TMEM132D: variants seen among roughly 807,000 people sequenced by gnomAD.
TMEM132D encodes the protein transmembrane protein 132D, also known as mature OL transmembrane protein.
A neutral mutation model predicts 62.3 loss-of-function variants in TMEM132D; 21 were observed. That is an observed-to-expected ratio of 0.34 (90% CI 0.24 to 0.49). The LOEUF is 0.49. Ranked by LOEUF, TMEM132D falls within the 20% of genes least tolerant of loss-of-function variation. TMEM132D has a pLI of 0.99. For synonymous variants in TMEM132D, 621 were observed against 575.6 expected (o/e 1.08, Z -1.13); for missense variants, 1,346 against 1,402.8 (o/e 0.96, Z 0.65).
chr12:129,651,701 C>T (rs1227127358), intron 2 of TMEM132D, among the ~76,000 whole-genome samples: 1 of 152,128 alleles, frequency 6.6e-6, no homozygotes, highest in African/African-American at 2.4e-5. Context: ...GAAGCAAGGA[C>T]AGCAGCAACT....
At chr12:129,427,729 G>A (rs1459595154) in intron 3 of TMEM132D, among the ~76,000 whole-genome samples, 3 of 149,930 alleles carry the variant, frequency 2.0e-5, no homozygotes, top group Admixed American at 2.0e-4. Context: ...TCTAGAGGAG[G>A]AAAATTAAAA....
Position 129,896,354 on chromosome 12 carries a change from G to A in TMEM132D, c.79+6907C>T, listed in dbSNP as rs545201263. Reference sequence around the variant, plus strand: ...GTGGCTGCCAGGTGTTCATCTGCACGAGAAAGGAGAGGCCAGGGCAGCAGG... The same window carrying A: ...GTGGCTGCCAGGTGTTCATCTGCACAAGAAAGGAGAGGCCAGGGCAGCAGG... On this transcript the variant is annotated intron_variant, in intron 1 of 8. Transcript: ENST00000422113. Among the ~76,000 whole-genome samples the A allele has an allele frequency of 1.2e-3, 182 of 152,256 alleles. 3 individuals carry two copies. The South Asian group carries it at 0.029, about 24-fold the overall frequency.
intron 4 of TMEM132D, among the ~76,000 whole-genome samples, chr12:129,293,259 T>C (rs1188554315): frequency 6.6e-6 from 1 of 151,958 alleles, no homozygotes; most frequent in Non-Finnish European, 1.5e-5. Flanking sequence ...GTGAAAGAGG[T>C]CATCCTGATG....
intron 1 of TMEM132D, among the ~76,000 whole-genome samples, chr12:129,739,517 C>T (rs1223339174): frequency 6.6e-6 from 1 of 152,208 alleles, no homozygotes; most frequent in Non-Finnish European, 1.5e-5. Flanking sequence ...TAACCCTCTT[C>T]TGGGGACACA....
At chr12:129,337,858 A>G in intron 3 of TMEM132D, 41 bp from the exon 4 acceptor site, 2 of 1,559,240 alleles carry the variant, frequency 1.3e-6, no homozygotes, top group Non-Finnish European at 1.7e-6. Flanking sequence ...TCAGGGACTG[A>G]TGAGGTATGG....
chr12:129,502,732 G>C (rs1033599313), intron 3 of TMEM132D, among the ~76,000 whole-genome samples: 1 of 152,190 alleles, frequency 6.6e-6, no homozygotes, highest in Admixed American at 6.5e-5. Context: ...CCCTGCAAAA[G>C]TTCTGGCATT....
At position 129,703,462 on chromosome 12, in the gene TMEM132D, TTTC is replaced by T. The variant is rs1453427436; in HGVS notation, c.80-2767_80-2765del. Among the ~76,000 whole-genome samples the T allele has an allele frequency of 4.3e-3, 102 of 23,674 alleles. 1 individual carries two copies. Among genetic ancestry groups the T allele is most frequent in the East Asian group, 0.018 (3 of 170 alleles). The allele number at this position is 23,674 out of a possible 152,430, so 15.5% of individuals were successfully genotyped here. ...TTGACCTAAAGCTAGTGTCACTTCC[TTTC>T]TTTTTTTTTTTTAACTAATACTACA... On this transcript the variant is annotated intron_variant, in intron 1 of 8. Transcript: ENST00000422113.
chr12:129,711,804 T>C (rs1385211848), intron 1 of TMEM132D, among the ~76,000 whole-genome samples: 1 of 148,070 alleles, frequency 6.8e-6, no homozygotes, highest in African/African-American at 2.5e-5. Flanking sequence ...AAATATATAT[T>C]ATATATTTAC....
At chr12:129,708,624 A>AAG (rs1299760009) in intron 1 of TMEM132D, among the ~76,000 whole-genome samples, 2 of 90,324 alleles carry the variant, frequency 2.2e-5, no homozygotes, top group African/African-American at 8.8e-5. Flanking sequence ...AAAAAAAAAA[A>AAG]AAAAAAACAC....
At chr12:129,739,994 C>T (rs1038637382) in intron 1 of TMEM132D, among the ~76,000 whole-genome samples, 6 of 152,016 alleles carry the variant, frequency 3.9e-5, no homozygotes, top group Non-Finnish European at 5.9e-5. Flanking sequence ...CTGTTGTGGC[C>T]GAAACCATGT....
At chr12:129,436,746 T>A (rs1445288931) in intron 3 of TMEM132D, among the ~76,000 whole-genome samples, 1 of 152,126 alleles carries the variant, frequency 6.6e-6, no homozygotes, top group East Asian at 1.9e-4. Context: ...GAAAACCAAG[T>A]GTGTGCGTTT....
chr12:129,365,129 G>A (rs1042835417), intron 3 of TMEM132D, among the ~76,000 whole-genome samples: 4 of 152,066 alleles, frequency 2.6e-5, no homozygotes, highest in East Asian at 1.9e-4. Flanking sequence ...TATGTGCTTC[G>A]GAGTCCACAT....
chr12:129,546,236 T>C (rs1876733223), intron 2 of TMEM132D, among the ~76,000 whole-genome samples: 1 of 152,238 alleles, frequency 6.6e-6, no homozygotes, highest in Admixed American at 6.5e-5. Flanking sequence ...CAAATGTTTA[T>C]ATAACCCTTG....
intron 2 of TMEM132D, among the ~76,000 whole-genome samples, chr12:129,626,888 A>G (rs1879232802): frequency 6.6e-6 from 1 of 152,164 alleles, no homozygotes; most frequent in Admixed American, 6.5e-5. Context: ...CATGGCCCCA[A>G]AGTCCATCGA....
intron 2 of TMEM132D, among the ~76,000 whole-genome samples, chr12:129,578,973 A>T (rs265639): frequency 1.3e-5 from 2 of 152,116 alleles, no homozygotes; most frequent in Non-Finnish European, 2.9e-5. Context: ...GGCATCCCAC[A>T]GTCCAGTCAT....
At chr12:129,085,400 A>G (rs187837080) in intron 5 of TMEM132D, 1 of 152,110 alleles carries the variant, frequency 6.6e-6, no homozygotes, top group African/African-American at 2.4e-5. Context: ...GTCCTGCAGA[A>G]TTCCCTAGAG....
At chr12:129,156,172 T>G (rs1877239614) in intron 5 of TMEM132D, among the ~76,000 whole-genome samples, 1 of 134,296 alleles carries the variant, frequency 7.4e-6, no homozygotes, top group Admixed American at 7.4e-5. Context: ...TAAACCAACC[T>G]ATTCCCAAGA....
At chr12:129,097,112 C>T (rs1875140774) in intron 5 of TMEM132D, among the ~76,000 whole-genome samples, 1 of 152,234 alleles carries the variant, frequency 6.6e-6, no homozygotes, top group South Asian at 2.1e-4. Context: ...GCCCTGTCCA[C>T]ATTTGGGGCT....
chr12:129,461,395 G>A (rs1786703318), intron 3 of TMEM132D, among the ~76,000 whole-genome samples: 1 of 152,118 alleles, frequency 6.6e-6, no homozygotes, highest in African/African-American at 2.4e-5. Flanking sequence ...AGACGGAAAG[G>A]CTCTGCTAGC....
Sources: allele counts gnomAD v4.1 joint callset (sites outside exome capture counted in the v4.1 genomes callset), GRCh38; gene constraint gnomAD v4.1.1; transcripts MANE v1.5; gene names NCBI Gene and HGNC (gene_info 2026-07-23, HGNC 2026-07-21).